The following PAH variants were observed in gnomAD, a reference collection of about 807,000 sequenced individuals.
PAH encodes the protein phenylalanine-4-hydroxylase.
In PAH, 64 loss-of-function variants were observed where a neutral mutation model predicts 62.0. That is an observed-to-expected ratio of 1.03 (90% confidence interval 0.84 to 1.27). The LOEUF is 1.27. Ranked by LOEUF, PAH falls within the 50% of genes most tolerant of loss-of-function variation. The pLI, the probability that PAH is intolerant of heterozygous loss-of-function variation, is 0.00. For synonymous variants in PAH, 195 were observed against 196.2 expected (o/e 0.99, Z 0.05); for missense variants, 579 against 542.8 (o/e 1.07, Z -0.66).
At chr12:102,906,854 G>A (rs181737094) in intron 2 of PAH, among the ~76,000 whole-genome samples, 106 of 152,304 alleles carry the variant, frequency 7.0e-4, no homozygotes, top group African/African-American at 2.5e-3. Context: ...ACTCCATTGT[G>A]CTTACTGAAA....
chr12:102,857,617 G>A (rs1875498361), intron 5 of PAH, among the ~76,000 whole-genome samples: 1 of 152,242 alleles, frequency 6.6e-6, no homozygotes, highest in Non-Finnish European at 1.5e-5. Flanking sequence ...CAGACTAACA[G>A]CTGATCTCTC....
intron 1 of PAH, among the ~76,000 whole-genome samples, chr12:102,926,995 C>G (rs540131196): frequency 9.5e-5 from 14 of 148,042 alleles, no homozygotes; most frequent in Admixed American, 2.0e-4. Context: ...TTTACCGCAA[C>G]CCCACTGACT....
chr12:102,914,021 G>A, intron 1 of PAH: 1 of 558,652 alleles, frequency 1.8e-6, no homozygotes, highest in Non-Finnish European at 3.2e-6. Context: ...ATCTCAATGA[G>A]AGAAGGCTGT....
chr12:102,953,118 G>A (rs1879818776), upstream of PAH, among the ~76,000 whole-genome samples: 1 of 152,156 alleles, frequency 6.6e-6, no homozygotes, highest in Admixed American at 6.5e-5. Context: ...CCTGGAAGAT[G>A]AATATTGGCT....
At chr12:102,905,634 T>A (rs1223800829) in intron 2 of PAH, among the ~76,000 whole-genome samples, 4 of 152,040 alleles carry the variant, frequency 2.6e-5, no homozygotes, top group African/African-American at 7.2e-5. Context: ...TCTCTGAGGT[T>A]TAGTTTCCTC....
At position 102,839,172 on chromosome 12, in the gene PAH, GCTTTA is replaced by G. The variant is rs794727086; in HGVS notation, c.1357_*2del. 3.1e-6 allele frequency: 5 copies of G among 1,613,020 alleles called. No individual in the cohort carries two copies. Among genetic ancestry groups the G allele is most frequent in the Non-Finnish European group, 4.2e-6 (5 of 1,179,250 alleles). Reference sequence around the variant, plus strand: ...GCTGACAGACCACATTCTGTCCATGGCTTTACTTTATTTTCTGGAGGGCACTGCAA... The same window carrying G: ...GCTGACAGACCACATTCTGTCCATGGCTTTATTTTCTGGAGGGCACTGCAA... On this transcript the variant is annotated stop_lost and 3_prime_UTR_variant, in exon 13 of 13. Transcript: ENST00000553106.
intron 3 of PAH, among the ~76,000 whole-genome samples, chr12:102,884,664 A>G (rs1876957395): frequency 1.3e-5 from 2 of 152,132 alleles, no homozygotes; most frequent in African/African-American, 4.8e-5. Flanking sequence ...GAGCCTCATA[A>G]TAAACTCCAG....
Position 102,926,991 on chromosome 12 carries a change from G to A in PAH, c.-95-9766C>T, listed in dbSNP as rs75320245. On this transcript the variant is annotated intron_variant, in intron 1 of 3. Transcript: ENST00000546844. ...GTGGGTGGGTTGCTAAACATTTACC[G>A]CAACCCCACTGACTATTACTATGGT... 1.6e-4 allele frequency among the ~76,000 whole-genome samples: 24 copies of A among 151,892 alleles called. 1 individual carries two copies. The highest frequency in any genetic ancestry group is 7.7e-4 in the East Asian group (4 of 5,168).
rs2136636719 is a variant in PAH at position 102,844,328 on chromosome 12, G to A, written c.1065+8C>T. On this transcript the variant is annotated splice_region_variant and intron_variant, in intron 10 of 12. Transcript: ENST00000553106. Reference sequence around the variant, plus strand: ...TAAATCTATCCTTGGTTCCTGTGAAGGTCATACCTGTAATTCACCAAAGGA... The same window carrying A: ...TAAATCTATCCTTGGTTCCTGTGAAAGTCATACCTGTAATTCACCAAAGGA... 4 of 1,584,990 alleles carry A rather than the reference G, an allele frequency of 2.5e-6. No homozygotes were observed. Among genetic ancestry groups the A allele is most frequent in the Non-Finnish European group, 3.5e-6 (4 of 1,153,486 alleles).
chr12:102,888,622 GCAGA>G (rs1592975159), intron 3 of PAH, among the ~76,000 whole-genome samples: 1 of 151,114 alleles, frequency 6.6e-6, no homozygotes, highest in Admixed American at 6.6e-5. Flanking sequence ...ACTGCAGGGA[GCAGA>G]CAGTCTACCA....
intron 1 of PAH, among the ~76,000 whole-genome samples, chr12:102,916,769 A>G (rs1409040703): frequency 3.3e-5 from 5 of 152,240 alleles, no homozygotes; most frequent in Admixed American, 6.5e-5. Context: ...GACAACAGAG[A>G]GGGACAGTAA....
chr12:102,900,250 C>T (rs913633002), intron 2 of PAH, among the ~76,000 whole-genome samples: 6 of 152,008 alleles, frequency 3.9e-5, no homozygotes, highest in Admixed American at 2.6e-4. Flanking sequence ...GAGGTTTCAC[C>T]GTGTTAACCA....
At chr12:102,893,575 G>C (rs1272707014) in intron 3 of PAH, among the ~76,000 whole-genome samples, 5 of 152,100 alleles carry the variant, frequency 3.3e-5, no homozygotes, top group African/African-American at 2.4e-5. Flanking sequence ...CAGTGCACCA[G>C]GCACTGTTCT....
At chr12:102,935,541 G>A (rs1879070353) in intron 1 of PAH, among the ~76,000 whole-genome samples, 1 of 151,946 alleles carries the variant, frequency 6.6e-6, no homozygotes, top group South Asian at 2.1e-4. Flanking sequence ...TTTTTTGCTG[G>A]AAGACTTCAT....
chr12:102,894,895 G>A lies in PAH; in HGVS notation c.192C>T (p.His64=). The A allele has an allele frequency of 6.2e-7, 1 of 1,613,702 alleles. No homozygotes were observed. The highest frequency in any genetic ancestry group is 8.5e-7 in the Non-Finnish European group (1 of 1,179,774). Residue 64 remains histidine (H), a synonymous_variant, in exon 3 of 13, where the codon CAC becomes CAT. Transcript: ENST00000553106. The part of the protein sequence containing the change: ...LFEENDVNLT[H]IESRPSRLKK... Reference sequence around the variant, plus strand: ...TTAAACGAGAAGGTCTAGATTCAATGTGGGTCAGGTTTACATCATTCTCCT... The same window carrying A: ...TTAAACGAGAAGGTCTAGATTCAATATGGGTCAGGTTTACATCATTCTCCT...
chr12:102,915,789 A>C (rs1054924612), intron 1 of PAH, among the ~76,000 whole-genome samples: 5 of 151,706 alleles, frequency 3.3e-5, no homozygotes, highest in Non-Finnish European at 7.4e-5. Context: ...AACCATAGAA[A>C]ATTTTGGAAC....
chr12:102,876,920 A>G (rs1876589442), intron 4 of PAH, among the ~76,000 whole-genome samples: 1 of 151,884 alleles, frequency 6.6e-6, no homozygotes. Flanking sequence ...TCATTCTCAT[A>G]CTTAATGCAC....
intron 4 of PAH, among the ~76,000 whole-genome samples, chr12:102,868,065 T>TATATACACAC (rs1443566175): frequency 8.1e-6 from 1 of 123,296 alleles, no homozygotes; most frequent in African/African-American, 3.3e-5. Flanking sequence ...TATATACACA[T>TATATACACAC]ATATATACAT....
chr12:102,926,516 A>G (rs1878688625), intron 1 of PAH, among the ~76,000 whole-genome samples: 1 of 151,998 alleles, frequency 6.6e-6, no homozygotes, highest in South Asian at 2.1e-4. Context: ...GTTGTGAGCT[A>G]AAAGTATTAG....
Sources: allele counts gnomAD v4.1 joint callset (sites outside exome capture counted in the v4.1 genomes callset), GRCh38; gene constraint gnomAD v4.1.1; transcripts MANE v1.5; gene names NCBI Gene and HGNC (gene_info 2026-07-23, HGNC 2026-07-21).